Variants in FGF7 observed in about 807,000 individuals in gnomAD.
FGF7 encodes the protein FGF-7.
In FGF7, 6 loss-of-function variants were observed where a neutral mutation model predicts 20.5. That is an observed-to-expected ratio of 0.29 (90% confidence interval 0.16 to 0.58). FGF7 has a LOEUF of 0.58. Ranked by LOEUF, FGF7 falls within the 20% of genes least tolerant of loss-of-function variation. FGF7 has a pLI of 0.90. For synonymous variants in FGF7, 64 were observed against 74.7 expected, an observed-to-expected ratio of 0.86 and a Z score of 0.74; for missense variants, 144 against 228.8, an observed-to-expected ratio of 0.63 and a Z score of 2.39.
intron 2 of FGF7, among the ~76,000 whole-genome samples, chr15:49,457,783 C>T (rs1208492877): frequency 2.6e-5 from 4 of 151,764 alleles, no homozygotes; most frequent in Non-Finnish European, 5.9e-5. Context: ...TTGATTAATA[C>T]ATTATATTAG....
chr15:49,481,903 AC>A (rs2055981617), intron 2 of FGF7, among the ~76,000 whole-genome samples: 1 of 152,182 alleles, frequency 6.6e-6, no homozygotes, highest in South Asian at 2.1e-4. Context: ...GAGGCAAATG[AC>A]AAATATTAGC....
chr15:49,434,437 C>A (rs944721192), intron 2 of FGF7: 5 of 151,314 alleles, frequency 3.3e-5, no homozygotes, highest in African/African-American at 1.2e-4. Flanking sequence ...AAGTTTAGGG[C>A]ACATCGCAGG....
intron 2 of FGF7, among the ~76,000 whole-genome samples, chr15:49,473,607 G>A (rs945565496): frequency 6.6e-6 from 1 of 151,958 alleles, no homozygotes; most frequent in Admixed American, 6.6e-5. Flanking sequence ...GGGGTATAAT[G>A]ACTCTCTACC....
At chr15:49,483,343 T>C (rs1264259558) in intron 3 of FGF7, 89 bp downstream of exon 3, 2 of 690,366 alleles carry the variant, frequency 2.9e-6, no homozygotes, top group Non-Finnish European at 5.1e-6. Flanking sequence ...ATGGAATTAA[T>C]TTATCTCCAA....
intron 2 of FGF7, among the ~76,000 whole-genome samples, chr15:49,476,390 T>C (rs1355801067): frequency 1.3e-5 from 2 of 151,994 alleles, no homozygotes; most frequent in Non-Finnish European, 1.5e-5. Flanking sequence ...AAAATATTAC[T>C]GGCTCTTGTT....
intron 2 of FGF7, among the ~76,000 whole-genome samples, chr15:49,479,599 G>GTTTTTTTTTTTTTTTTTTTTTTTTTTT (rs56097665): frequency 1.6e-5 from 1 of 63,292 alleles, no homozygotes; most frequent in African/African-American, 6.3e-5. Context: ...TAATACCTCT[G>GTTTTTTTTTTTTTTTTTTTTTTTTTTT]TTTTTTTTTT....
chr15:49,463,745 T>C (rs1030495007), intron 2 of FGF7, among the ~76,000 whole-genome samples: 18 of 152,148 alleles, frequency 1.2e-4, no homozygotes, highest in Non-Finnish European at 2.4e-4. Flanking sequence ...TGATTTTCTG[T>C]TTCACTACTA....
At chr15:49,478,719 T>C (rs2055602130) in intron 2 of FGF7, among the ~76,000 whole-genome samples, 1 of 152,104 alleles carries the variant, frequency 6.6e-6, no homozygotes, top group South Asian at 2.1e-4. Flanking sequence ...CATATTAATA[T>C]ATACCCCTTC....
At chr15:49,441,629 C>T (rs1255597796) in intron 2 of FGF7, among the ~76,000 whole-genome samples, 1 of 151,610 alleles carries the variant, frequency 6.6e-6, no homozygotes, top group Non-Finnish European at 1.5e-5. Context: ...TTCTGATTCA[C>T]CACAGCAGTA....
chr15:49,425,436 T>C (rs1310680930), intron 2 of FGF7: 2 of 152,056 alleles, frequency 1.3e-5, no homozygotes, highest in Admixed American at 6.6e-5. Context: ...TGGAATAAGA[T>C]ACACACCTCA....
chr15:49,453,104 T>C (rs943688153), intron 2 of FGF7, among the ~76,000 whole-genome samples: 3 of 152,128 alleles, frequency 2.0e-5, no homozygotes, highest in Non-Finnish European at 2.9e-5. Context: ...TCCTAAAATA[T>C]TGCATTGAGG....
At chr15:49,469,353 T>A (rs1434447334) in intron 2 of FGF7, among the ~76,000 whole-genome samples, 1 of 152,178 alleles carries the variant, frequency 6.6e-6, no homozygotes, top group Non-Finnish European at 1.5e-5. Context: ...TTAAATTAAA[T>A]TTAATTCTAT....
chr15:49,460,282 A>G (rs765258554), intron 2 of FGF7, among the ~76,000 whole-genome samples: 4 of 152,226 alleles, frequency 2.6e-5, no homozygotes, highest in South Asian at 2.1e-4. Flanking sequence ...TACATAGTAC[A>G]TAAGTACTGA....
At position 49,488,724 on chromosome 15, in the gene FGF7, G is replaced by T. The variant is rs574376308; in HGVS notation, c.*4220G>T. The T allele has an allele frequency of 1.3e-5, 2 of 151,946 alleles. No individual in the cohort carries two copies. Among genetic ancestry groups the T allele is most frequent in the African/African-American group, 4.8e-5 (2 of 41,404 alleles). The allele number at this position is 151,946 out of a possible 1,614,324, so 9.4% of individuals were successfully genotyped here. Reference sequence around the variant, plus strand: ...CTTCTCTTGATGAATCCTTCCATGTGTTAGTTATCTATTGCTGTGTAACAA... The same window carrying T: ...CTTCTCTTGATGAATCCTTCCATGTTTTAGTTATCTATTGCTGTGTAACAA... On this transcript the variant is annotated 3_prime_UTR_variant, in exon 4 of 4. Coordinates refer to ENST00000267843, the MANE Select transcript of FGF7 (RefSeq NM_002009.4).
chr15:49,477,017 G>T (rs369372306), intron 2 of FGF7, among the ~76,000 whole-genome samples: 5 of 148,938 alleles, frequency 3.4e-5, no homozygotes, highest in African/African-American at 1.3e-4. Context: ...CGGAGATCCC[G>T]CCACTGCACT....
chr15:49,450,330 T>C (rs1567298929), intron 2 of FGF7, among the ~76,000 whole-genome samples: 1 of 152,100 alleles, frequency 6.6e-6, no homozygotes, highest in Non-Finnish European at 1.5e-5. Flanking sequence ...GAATTTTTAT[T>C]GTGTTCCTGA....
At chr15:49,479,520 T>G (rs1162036682) in intron 2 of FGF7, among the ~76,000 whole-genome samples, 3 of 151,934 alleles carry the variant, frequency 2.0e-5, no homozygotes, top group Non-Finnish European at 4.4e-5. Flanking sequence ...ATCTGCATAT[T>G]ACATATTTTT....
At chr15:49,434,124 T>C (rs935966838) in intron 2 of FGF7, among the ~76,000 whole-genome samples, 1 of 151,530 alleles carries the variant, frequency 6.6e-6, no homozygotes, top group Non-Finnish European at 1.5e-5. Flanking sequence ...CAGGAGTCTT[T>C]TGGTATCTTA....
chr15:49,482,916 A>C (rs929714824), intron 2 of FGF7, among the ~76,000 whole-genome samples: 20 of 152,072 alleles, frequency 1.3e-4, no homozygotes, highest in Admixed American at 2.6e-4. Flanking sequence ...TATTTATTTG[A>C]TACAGACACA....
Sources: allele counts gnomAD v4.1 joint callset (sites outside exome capture counted in the v4.1 genomes callset), GRCh38; gene constraint gnomAD v4.1.1; transcripts MANE v1.5; gene names NCBI Gene and HGNC (gene_info 2026-07-23, HGNC 2026-07-21).